Variants in XKR6 observed in about 807,000 individuals in gnomAD.
XKR6 encodes the protein XK related 6, also known as XK-related protein 6.
In XKR6, 22 loss-of-function variants were observed where a neutral mutation model predicts 56.7. The ratio of observed to expected loss-of-function variants is 0.39; its 90% CI spans 0.28 to 0.55. XKR6 has a LOEUF of 0.55. Ranked by LOEUF, XKR6 falls within the 20% of genes least tolerant of loss-of-function variation. The pLI is 0.66. For missense variants in XKR6, 852 were observed against 889.0 expected (o/e 0.96, Z 0.53); for synonymous variants, 524 against 387.8 (o/e 1.35, Z -4.13).
chr8:11,095,186 T>A (rs1280389391), intron 1 of XKR6, among the ~76,000 whole-genome samples: 2 of 152,216 alleles, frequency 1.3e-5, no homozygotes, highest in Admixed American at 1.3e-4. Flanking sequence ...TTTGTGCAAA[T>A]ACGTAAGTGG....
chr8:11,088,040 A>G (rs1377656090), intron 1 of XKR6, among the ~76,000 whole-genome samples: 1 of 152,230 alleles, frequency 6.6e-6, no homozygotes, highest in Admixed American at 6.5e-5. Flanking sequence ...CCAGGAATGT[A>G]GTAGGAAGAA....
At chr8:11,055,209 G>C (rs1195910033) in intron 1 of XKR6, among the ~76,000 whole-genome samples, 5 of 152,294 alleles carry the variant, frequency 3.3e-5, no homozygotes, top group Non-Finnish European at 5.9e-5. Flanking sequence ...AACAAAGAAA[G>C]TAGAGATTCA....
At chr8:10,990,895 C>CTTTTTTTTTTTT (rs59410799) in intron 1 of XKR6, among the ~76,000 whole-genome samples, 3 of 73,592 alleles carry the variant, frequency 4.1e-5, no homozygotes, top group African/African-American at 1.2e-4. Flanking sequence ...TGGGGAATGT[C>CTTTTTTTTTTTT]TTTTTTTTTT....
At chr8:11,095,905 G>C (rs1261524790) in intron 1 of XKR6, among the ~76,000 whole-genome samples, 1 of 152,158 alleles carries the variant, frequency 6.6e-6, no homozygotes, top group Non-Finnish European at 1.5e-5. Context: ...TTCCAATTAA[G>C]TCTATGATTA....
chr8:10,912,004 TAGAGAG>T (rs1198732719), intron 2 of XKR6, among the ~76,000 whole-genome samples: 1 of 148,324 alleles, frequency 6.7e-6, no homozygotes, highest in African/African-American at 2.5e-5. Flanking sequence ...TATATATATA[TAGAGAG>T]AGAGAGCAAG....
chr8:11,019,789 T>C (rs900506692), intron 1 of XKR6, among the ~76,000 whole-genome samples: 3 of 152,174 alleles, frequency 2.0e-5, no homozygotes, highest in African/African-American at 7.2e-5. Flanking sequence ...AGTAGGAGCA[T>C]TGATCAGGCA....
At chr8:11,037,886 G>A (rs184376898) in intron 1 of XKR6, among the ~76,000 whole-genome samples, 63 of 151,872 alleles carry the variant, frequency 4.1e-4, no homozygotes, top group Non-Finnish European at 7.7e-4. Flanking sequence ...AATTAGCCGG[G>A]TGTGGTGGCA....
At chr8:11,114,621 A>C (rs1442395198) in intron 1 of XKR6, among the ~76,000 whole-genome samples, 2 of 152,198 alleles carry the variant, frequency 1.3e-5, no homozygotes, top group Non-Finnish European at 1.5e-5. Flanking sequence ...TTGGCCTCCC[A>C]AAGTGCTGGG....
At chr8:11,183,181 C>A (rs1356177892) in intron 1 of XKR6, among the ~76,000 whole-genome samples, 1 of 152,178 alleles carries the variant, frequency 6.6e-6, no homozygotes, top group South Asian at 2.1e-4. Context: ...TGTGGCTGTA[C>A]AAATATCTCC....
chr8:11,168,181 T>C (rs75487994), intron 1 of XKR6, among the ~76,000 whole-genome samples: 4,753 of 152,234 alleles, frequency 0.031, 260 homozygotes, highest in African/African-American at 0.11. Flanking sequence ...GTATAGCCCA[T>C]TCAAAGGAAC....
chr8:10,939,660 G>C (rs1294862441), intron 1 of XKR6, among the ~76,000 whole-genome samples: 1 of 152,234 alleles, frequency 6.6e-6, no homozygotes, highest in African/African-American at 2.4e-5. Flanking sequence ...ACTCCAGGCT[G>C]GTTCGTAAAG....
At chr8:10,988,144 C>T (rs1262724001) in intron 1 of XKR6, among the ~76,000 whole-genome samples, 1 of 152,234 alleles carries the variant, frequency 6.6e-6, no homozygotes, top group Non-Finnish European at 1.5e-5. Context: ...CCATCCCCTG[C>T]TTTGTTTTTT....
chr8:11,174,633 C>T (rs970779892), intron 1 of XKR6, among the ~76,000 whole-genome samples: 11 of 152,178 alleles, frequency 7.2e-5, no homozygotes, highest in Non-Finnish European at 1.6e-4. Flanking sequence ...AGGAACAAAG[C>T]GGCTGCGACT....
chr8:11,075,217 G>T (rs549741459), intron 1 of XKR6, among the ~76,000 whole-genome samples: 1 of 152,356 alleles, frequency 6.6e-6, no homozygotes, highest in South Asian at 2.1e-4. Flanking sequence ...CAGTCCCTCA[G>T]TGAGAAATCT....
intron 1 of XKR6, among the ~76,000 whole-genome samples, chr8:11,075,070 G>C (rs990372861): frequency 3.3e-5 from 5 of 152,192 alleles, no homozygotes; most frequent in Non-Finnish European, 5.9e-5. Context: ...TGGGGCACTA[G>C]TACAGGTGGG....
intron 1 of XKR6, among the ~76,000 whole-genome samples, chr8:11,159,171 A>G (rs1357341643): frequency 1.3e-5 from 2 of 152,220 alleles, no homozygotes; most frequent in Non-Finnish European, 2.9e-5. Context: ...GCTGTTACTA[A>G]CATCCACCAT....
chr8:11,166,038 C>A (rs1390771690), intron 1 of XKR6, among the ~76,000 whole-genome samples: 1 of 151,702 alleles, frequency 6.6e-6, no homozygotes, highest in Non-Finnish European at 1.5e-5. Context: ...TCACTGCAAC[C>A]TCCACCTCCT....
intron 1 of XKR6, among the ~76,000 whole-genome samples, chr8:11,070,707 A>G (rs1246814897): frequency 6.6e-6 from 1 of 152,256 alleles, no homozygotes; most frequent in Non-Finnish European, 1.5e-5. Flanking sequence ...ACTTATACAG[A>G]TGATTCCATT....
chr8:10,972,574 C>G (rs1429720325), intron 1 of XKR6, among the ~76,000 whole-genome samples: 1 of 152,156 alleles, frequency 6.6e-6, no homozygotes, highest in African/African-American at 2.4e-5. Flanking sequence ...CATGGGTAGA[C>G]CTTGAGGGCA....
Sources: gnomAD v4.1 joint callset for allele counts (sites outside exome capture counted in the v4.1 genomes callset) on GRCh38, gnomAD v4.1.1 for gene constraint, MANE v1.5 for transcripts, NCBI Gene and HGNC (gene_info 2026-07-23, HGNC 2026-07-21) for gene names.